The following PREX2 variants were observed in gnomAD, a reference collection of about 807,000 sequenced individuals.
PREX2 encodes the protein phosphatidylinositol-3,4,5-trisphosphate dependent Rac exchange factor 2, also known as phosphatidylinositol 3,4,5-trisphosphate-dependent Rac exchanger 2 protein.
In PREX2, 107 loss-of-function variants were observed where a neutral mutation model predicts 203.2. The observed-to-expected ratio is 0.53, with a 90% CI of 0.45 to 0.62. The LOEUF (loss-of-function observed/expected upper bound fraction) is 0.62. PREX2 is among the 20% of genes least tolerant of loss of function. PREX2 has a pLI of 0.00. For missense variants in PREX2, 1,777 were observed against 1,955.9 expected (o/e 0.91, Z 1.72); for synonymous variants, 672 against 663.6 (o/e 1.01, Z -0.19).
chr8:67,991,966 C>T (rs1748489238), intron 1 of PREX2, among the ~76,000 whole-genome samples: 1 of 152,204 alleles, frequency 6.6e-6, no homozygotes, highest in South Asian at 2.1e-4. Flanking sequence ...ACAAATTATA[C>T]TATCTTCACT....
chr8:67,990,112 G>A (rs7460255), intron 1 of PREX2, among the ~76,000 whole-genome samples: 66,206 of 151,628 alleles, frequency 0.44, 15,089 homozygotes, highest in East Asian at 0.6. Context: ...CAGCCTCCCA[G>A]GTAGCTGGGA....
rs1437834644 is a variant in PREX2, at chr8:68,224,610, C to T, written c.4759C>T (p.Pro1587Ser). The T allele has an allele frequency of 6.8e-6, 11 of 1,613,292 alleles. No individual in the cohort carries two copies. Among genetic ancestry groups the T allele is most frequent in the East Asian group, 2.2e-5 (1 of 44,846 alleles). The part of the protein sequence containing the change: ...AKNLGVRDRT[P>S]QSAPRLYKLC... ...GAATTTGGGAGTCAGAGACCGGACTCCACAGTCTGCACCAAGGTAAGTGCA... is the reference window on the plus strand; with the variant it reads ...GAATTTGGGAGTCAGAGACCGGACTTCACAGTCTGCACCAAGGTAAGTGCA... The change falls in exon 39 of 40, where the codon CCA (proline) becomes TCA (serine). Residue 1587 changes from proline (P) to serine (S), a missense_variant. Pro to Ser is a moderately conservative substitution (Grantham distance 74). Coordinates refer to ENST00000288368, the MANE Select transcript of PREX2 (RefSeq NM_024870.4).
intron 1 of PREX2, among the ~76,000 whole-genome samples, chr8:67,995,010 C>T (rs559579569): frequency 6.6e-6 from 1 of 152,008 alleles, no homozygotes; most frequent in South Asian, 2.1e-4. Flanking sequence ...GTTCTATTTC[C>T]TTTTATTCTT....
At chr8:68,102,698 G>A in intron 23 of PREX2, 1 of 358,370 alleles carries the variant, frequency 2.8e-6, no homozygotes, top group South Asian at 2.2e-5. Flanking sequence ...TCTCAAAGAT[G>A]CTGGCTTTAC....
intron 35 of PREX2, among the ~76,000 whole-genome samples, chr8:68,159,420 C>T (rs970264285): frequency 9.9e-5 from 15 of 152,106 alleles, no homozygotes; most frequent in East Asian, 9.6e-4. Flanking sequence ...TTGGCTTTAC[C>T]GGGACTTCCA....
intron 37 of PREX2, among the ~76,000 whole-genome samples, chr8:68,205,695 T>C (rs1311487254): frequency 1.3e-5 from 2 of 152,218 alleles, no homozygotes; most frequent in African/African-American, 4.8e-5. Context: ...TAGCTGTCAA[T>C]AGACTTTTCA....
At chr8:67,983,182 A>G (rs1806321293) in intron 1 of PREX2, among the ~76,000 whole-genome samples, 1 of 152,190 alleles carries the variant, frequency 6.6e-6, no homozygotes, top group Non-Finnish European at 1.5e-5. Context: ...AGCCAACATT[A>G]CTGTGATGAA....
At chr8:67,980,635 C>G (rs756072905) in intron 1 of PREX2, among the ~76,000 whole-genome samples, 1 of 152,082 alleles carries the variant, frequency 6.6e-6, no homozygotes, top group Non-Finnish European at 1.5e-5. Context: ...TGTCATAATC[C>G]CCATGTGTCA....
chr8:68,030,657 A>G lies in PREX2; in HGVS notation c.704A>G (p.Glu235Gly), dbSNP rs1425571538. The change falls in exon 6 of 40, where the codon GAG (glutamate) becomes GGG (glycine). Residue 235 changes from glutamate (E) to glycine (G), a missense_variant and splice_region_variant. Transcript: ENST00000288368. ...TGGCAGTCTCACATTGAAGGCTGGGAGGTACATTCACTTTGCTTGACAATC... is the reference window on the plus strand; with the variant it reads ...TGGCAGTCTCACATTGAAGGCTGGGGGGTACATTCACTTTGCTTGACAATC... ...EEWQSHIEGWEGSNITDTCTE... is the reference protein window; with the variant it reads ...EEWQSHIEGWGGSNITDTCTE... 1 of 1,613,254 alleles carries G rather than the reference A, an allele frequency of 6.2e-7. No individual in the cohort carries two copies. Among genetic ancestry groups the G allele is most frequent in the Non-Finnish European group, 8.5e-7 (1 of 1,179,476 alleles).
chr8:68,171,440 G>C (rs1275373298), intron 35 of PREX2, among the ~76,000 whole-genome samples: 1 of 151,912 alleles, frequency 6.6e-6, no homozygotes, highest in Admixed American at 6.6e-5. Flanking sequence ...TCGTATGATA[G>C]TGTATCTATG....
chr8:68,004,821 C>T (rs1807047225), intron 1 of PREX2, among the ~76,000 whole-genome samples: 2 of 152,088 alleles, frequency 1.3e-5, no homozygotes, highest in Admixed American at 1.3e-4. Context: ...CATTTATTCT[C>T]AATTTATTAA....
chr8:68,039,840 C>T (rs1808142127), intron 7 of PREX2, among the ~76,000 whole-genome samples: 1 of 152,158 alleles, frequency 6.6e-6, no homozygotes. Context: ...TACTACTCTG[C>T]TCCAGGCCAC....
intron 35 of PREX2, among the ~76,000 whole-genome samples, chr8:68,177,501 G>A (rs1181536558): frequency 1.3e-5 from 2 of 152,204 alleles, no homozygotes; most frequent in Non-Finnish European, 1.5e-5. Context: ...GGAGTTTGAG[G>A]TTATAGCGAG....
At chr8:68,180,286 C>T (rs1354590807) in intron 35 of PREX2, among the ~76,000 whole-genome samples, 1 of 152,090 alleles carries the variant, frequency 6.6e-6, no homozygotes, top group Non-Finnish European at 1.5e-5. Context: ...TCTGCTAAAC[C>T]TTTGTAGATC....
chr8:68,054,371 C>T, intron 9 of PREX2, among the ~76,000 whole-genome samples: 1 of 143,696 alleles, frequency 7.0e-6, no homozygotes, highest in Non-Finnish European at 1.5e-5. Context: ...GAGAAAAAAA[C>T]AAAACAAAAT....
chr8:68,087,820 C>G lies in PREX2; in HGVS notation c.2113+11C>G, dbSNP rs116958209. ...ATGCTGTAGGAAGAGGTAGGAAATT[C>G]GTCTTGCAGGGAAACAGCTTTCCAG... On this transcript the variant is annotated intron_variant, in intron 19 of 39. Transcript: ENST00000288368. 23 of 1,596,646 alleles carry G rather than the reference C, an allele frequency of 1.4e-5. No individual in the cohort carries two copies. In the South Asian group the frequency reaches 2.0e-4, roughly 14 times the overall value.
At chr8:68,202,837 A>G (rs1812534435) in intron 37 of PREX2, among the ~76,000 whole-genome samples, 1 of 152,186 alleles carries the variant, frequency 6.6e-6, no homozygotes. Context: ...AAGCTGGAGA[A>G]CCAGGGAAGC....
chr8:68,019,087 A>G (rs1269909228), intron 2 of PREX2, among the ~76,000 whole-genome samples: 1 of 152,226 alleles, frequency 6.6e-6, no homozygotes, highest in East Asian at 1.9e-4. Context: ...CATCCTCTCC[A>G]GCTAATCACT....
chr8:68,213,465 A>T (rs1027236792), intron 37 of PREX2, among the ~76,000 whole-genome samples: 2 of 152,206 alleles, frequency 1.3e-5, no homozygotes, highest in Non-Finnish European at 2.9e-5. Context: ...TGGTATTTGT[A>T]GGTACAAAGT....
Sources: allele counts gnomAD v4.1 joint callset (sites outside exome capture counted in the v4.1 genomes callset), GRCh38; gene constraint gnomAD v4.1.1; transcripts MANE v1.5; gene names NCBI Gene and HGNC (gene_info 2026-07-23, HGNC 2026-07-21).